Variants in RARB observed in about 807,000 individuals in gnomAD.
RARB encodes HBV-activated protein.
RARB carries 17 observed loss-of-function variants against 51.9 expected under a neutral mutation model. The observed-to-expected ratio is 0.33, with a 90% CI of 0.22 to 0.49. The LOEUF is 0.49. Ranked by LOEUF, RARB falls within the 20% of genes least tolerant of loss-of-function variation. RARB has a pLI of 0.99. For missense variants in RARB, 369 were observed against 550.8 expected, an observed-to-expected ratio of 0.67 and a Z score of 3.30; for synonymous variants, 215 against 195.4, an observed-to-expected ratio of 1.10 and a Z score of -0.84.
At chr3:25,021,563 T>C (rs1697636742) in intron 2 of RARB, among the ~76,000 whole-genome samples, 2 of 152,080 alleles carry the variant, frequency 1.3e-5, no homozygotes, top group Non-Finnish European at 1.5e-5. Context: ...GACTTAGTAA[T>C]GGGCTTATAT....
At chr3:25,574,887 C>T (rs1218628777) in intron 4 of RARB, among the ~76,000 whole-genome samples, 1 of 152,080 alleles carries the variant, frequency 6.6e-6, no homozygotes, top group East Asian at 1.9e-4. Context: ...AGGAGAGATG[C>T]ATCAGGAGGG....
At chr3:24,932,351 C>T (rs1695458574) in intron 2 of RARB, among the ~76,000 whole-genome samples, 1 of 152,080 alleles carries the variant, frequency 6.6e-6, no homozygotes, top group Non-Finnish European at 1.5e-5. Context: ...AAATCTGGTA[C>T]TATGATATGA....
rs552090429 is a variant in RARB, at chr3:25,356,641, T to C, written c.179-104552T>C. On this transcript the variant is annotated intron_variant, in intron 5 of 11. Coordinates refer to the RARB transcript ENST00000383772. ...CAACCCATCATCTACATTAGGTATT[T>C]CTCCTGATGCTGTCACTCCCCTTGC... 6.9e-4 allele frequency among the ~76,000 whole-genome samples: 105 copies of C among 152,202 alleles called. 2 individuals are homozygous for C. The highest frequency in any genetic ancestry group is 2.5e-3 in the East Asian group (13 of 5,166).
chr3:25,084,684 T>C (rs1609937), intron 3 of RARB, among the ~76,000 whole-genome samples: 134,457 of 151,586 alleles, frequency 0.89, 59,976 homozygotes, highest in African/African-American at 0.97. Context: ...GATAATGTTT[T>C]GATATTATCT....
chr3:24,932,901 A>G (rs1695471346), intron 2 of RARB, among the ~76,000 whole-genome samples: 1 of 152,126 alleles, frequency 6.6e-6, no homozygotes, highest in Admixed American at 6.6e-5. Context: ...ATTAATGATT[A>G]TGGAAGAGAG....
intron 2 of RARB, among the ~76,000 whole-genome samples, chr3:24,969,981 G>A (rs1279992493): frequency 2.6e-5 from 4 of 152,012 alleles, no homozygotes; most frequent in Non-Finnish European, 5.9e-5. Flanking sequence ...GAATTTTAAA[G>A]GAAAAAGAAC....
At chr3:24,971,852 C>T (rs1291788789) in intron 2 of RARB, among the ~76,000 whole-genome samples, 3 of 151,802 alleles carry the variant, frequency 2.0e-5, no homozygotes, top group Non-Finnish European at 1.5e-5. Context: ...ATTGGATAGT[C>T]TCAATATTAT....
rs112035823 is a variant in RARB, at chr3:25,190,078, G to A, written c.178+15503G>A. On this transcript the variant is annotated intron_variant, in intron 5 of 11. Coordinates refer to the RARB transcript ENST00000383772. ...ATTCCTCAGTTTGGGTCAATTTATCGATTGTGATGCATAGGGGTTGGGGGA... is the reference window on the plus strand; with the variant it reads ...ATTCCTCAGTTTGGGTCAATTTATCAATTGTGATGCATAGGGGTTGGGGGA... Among the ~76,000 whole-genome samples, 1,509 of 152,130 alleles carry A rather than the reference G, an allele frequency of 9.9e-3. 10 individuals carry two copies. Among genetic ancestry groups the A allele is most frequent in the African/African-American group, 0.017 (716 of 41,536 alleles).
At chr3:25,236,203 T>C (rs940490302) in intron 5 of RARB, among the ~76,000 whole-genome samples, 17 of 152,168 alleles carry the variant, frequency 1.1e-4, no homozygotes, top group African/African-American at 4.1e-4. Flanking sequence ...ATTCAACAAA[T>C]ATTAATTGTG....
chr3:25,406,946 A>G (rs1413483343), intron 5 of RARB, among the ~76,000 whole-genome samples: 5 of 152,156 alleles, frequency 3.3e-5, no homozygotes, highest in Non-Finnish European at 7.3e-5. Context: ...CCTCTAAGTT[A>G]TCTTTGCTTC....
At chr3:24,871,605 A>T (rs2125349616) in intron 2 of RARB, among the ~76,000 whole-genome samples, 1 of 152,248 alleles carries the variant, frequency 6.6e-6, no homozygotes, top group Admixed American at 6.5e-5. Context: ...ACATCTTCTA[A>T]GTTTGTCTTG....
At chr3:24,914,027 G>A (rs73049464) in intron 2 of RARB, among the ~76,000 whole-genome samples, 31,588 of 152,144 alleles carry the variant, frequency 0.21, 4,150 homozygotes, top group East Asian at 0.33. Flanking sequence ...ACAGGGAAAT[G>A]GGTATGGCCA....
At chr3:24,999,422 A>G (rs146182003) in intron 2 of RARB, among the ~76,000 whole-genome samples, 8 of 152,306 alleles carry the variant, frequency 5.3e-5, no homozygotes, top group African/African-American at 1.7e-4. Flanking sequence ...TGGGACAGCA[A>G]TGAAGAAAAC....
At chr3:25,040,949 G>A (rs191705909) in intron 2 of RARB, among the ~76,000 whole-genome samples, 9 of 152,252 alleles carry the variant, frequency 5.9e-5, no homozygotes, top group Admixed American at 5.9e-4. Context: ...CTCTTTGAGG[G>A]CAAAAGTTTT....
intron 2 of RARB, among the ~76,000 whole-genome samples, chr3:24,986,903 A>T (rs974889998): frequency 2.0e-5 from 3 of 152,176 alleles, no homozygotes; most frequent in Non-Finnish European, 2.9e-5. Flanking sequence ...GCTATGCTTC[A>T]GCTGGGCCAA....
At chr3:25,565,350 A>T (rs1290790008) in intron 3 of RARB, among the ~76,000 whole-genome samples, 1 of 152,214 alleles carries the variant, frequency 6.6e-6, no homozygotes, top group African/African-American at 2.4e-5. Flanking sequence ...AGAAGGCTTT[A>T]TGATAGTTGT....
At chr3:25,089,473 G>T (rs977969790) in intron 3 of RARB, among the ~76,000 whole-genome samples, 1 of 106,404 alleles carries the variant, frequency 9.4e-6, no homozygotes, top group Non-Finnish European at 1.9e-5. Context: ...CATTGATCAG[G>T]ACTCAATCAT....
At chr3:25,247,544 G>A (rs190825873) in intron 5 of RARB, among the ~76,000 whole-genome samples, 48 of 152,300 alleles carry the variant, frequency 3.2e-4, no homozygotes, top group African/African-American at 1.2e-3. Context: ...TCATGGCGTG[G>A]TCCCTCACAG....
chr3:25,358,981 G>A (rs1324057637), intron 5 of RARB, among the ~76,000 whole-genome samples: 1 of 151,862 alleles, frequency 6.6e-6, no homozygotes, highest in Non-Finnish European at 1.5e-5. Flanking sequence ...GTATCAGGAT[G>A]ATGCTGGTCT....
Sources: gnomAD v4.1 joint callset for allele counts (sites outside exome capture counted in the v4.1 genomes callset) on GRCh38, gnomAD v4.1.1 for gene constraint, MANE v1.5 for transcripts, NCBI Gene and HGNC (gene_info 2026-07-23, HGNC 2026-07-21) for gene names.